BICC1: variants seen among roughly 807,000 people sequenced by gnomAD.
BICC1 encodes the protein protein bicaudal C homolog 1.
A neutral mutation model predicts 111.0 loss-of-function variants in BICC1; 43 were observed. The observed-to-expected ratio is 0.39, with a 90% CI of 0.30 to 0.50. The LOEUF (loss-of-function observed/expected upper bound fraction) is 0.50, where lower values mean the gene tolerates loss of function less well. Among genes scored for constraint, BICC1 ranks in the 20% least tolerant of loss-of-function variants. The pLI, the probability that BICC1 is intolerant of heterozygous loss-of-function variation, is 0.88. For missense variants in BICC1, 1,091 were observed against 1,203.2 expected (o/e 0.91, Z 1.38); for synonymous variants, 467 against 434.4 (o/e 1.07, Z -0.93).
chr10:58,566,289 C>CATAT (rs3075400), intron 1 of BICC1, among the ~76,000 whole-genome samples: 69,718 of 151,566 alleles, frequency 0.46, 17,104 homozygotes, highest in Admixed American at 0.62. Context: ...TAGATACAAA[C>CATAT]ATGTACACAC....
chr10:58,552,370 C>T (rs1843317738), intron 1 of BICC1, among the ~76,000 whole-genome samples: 1 of 151,964 alleles, frequency 6.6e-6, no homozygotes, highest in African/African-American at 2.4e-5. Context: ...GAGTCTTGCA[C>T]TGTCACGCAG....
chr10:58,637,346 C>G (rs1837981399), intron 2 of BICC1, among the ~76,000 whole-genome samples: 1 of 152,094 alleles, frequency 6.6e-6, no homozygotes, highest in Non-Finnish European at 1.5e-5. Context: ...ATGAGGTTTG[C>G]TACCAATAAA....
intron 1 of BICC1, among the ~76,000 whole-genome samples, chr10:58,538,776 GA>G (rs1401867243): frequency 6.6e-6 from 1 of 151,890 alleles, no homozygotes; most frequent in African/African-American, 2.4e-5. Flanking sequence ...CAAAGGACAT[GA>G]ATAGACAGTT....
intron 2 of BICC1, among the ~76,000 whole-genome samples, chr10:58,662,112 T>C (rs1181109140): frequency 6.6e-6 from 1 of 152,168 alleles, no homozygotes; most frequent in Admixed American, 6.5e-5. Context: ...TGTGCCTGTG[T>C]ATTGAGTAGC....
chr10:58,709,757 G>A (rs535582452), intron 3 of BICC1, among the ~76,000 whole-genome samples: 1 of 152,298 alleles, frequency 6.6e-6, no homozygotes, highest in South Asian at 2.1e-4. Context: ...AAAAAAATGT[G>A]GGACATGATT....
At chr10:58,670,858 T>G (rs1316360898) in intron 2 of BICC1, among the ~76,000 whole-genome samples, 1 of 152,092 alleles carries the variant, frequency 6.6e-6, no homozygotes, top group African/African-American at 2.4e-5. Context: ...TACTCATTAA[T>G]AAAAAGGAAG....
At chr10:58,767,293 C>G (rs1473532185) in intron 3 of BICC1, among the ~76,000 whole-genome samples, 1 of 152,272 alleles carries the variant, frequency 6.6e-6, no homozygotes, top group Non-Finnish European at 1.5e-5. Flanking sequence ...CAGCACAAAG[C>G]CTGGCTTTGT....
chr10:58,782,008 G>A (rs1252304749), intron 3 of BICC1, among the ~76,000 whole-genome samples: 1 of 152,112 alleles, frequency 6.6e-6, no homozygotes, highest in Non-Finnish European at 1.5e-5. Flanking sequence ...GTTACATGTT[G>A]GTGACTGTCT....
chr10:58,608,464 A>G (rs935511552), intron 1 of BICC1, among the ~76,000 whole-genome samples: 1 of 152,196 alleles, frequency 6.6e-6, no homozygotes, highest in Non-Finnish European at 1.5e-5. Context: ...TATTCACAGC[A>G]TTGTCTCTGC....
intron 1 of BICC1, among the ~76,000 whole-genome samples, chr10:58,572,374 C>G (rs1030685749): frequency 1.2e-4 from 18 of 151,880 alleles, no homozygotes; most frequent in African/African-American, 4.3e-4. Flanking sequence ...GACACGTCTT[C>G]ATCATTAAAT....
intron 2 of BICC1, chr10:58,648,459 T>TACTCTGGC (rs1838336848): frequency 1.1e-6 from 1 of 949,958 alleles, no homozygotes; most frequent in Admixed American, 6.2e-5. Context: ...TACACAGAGT[T>TACTCTGGC]ATGTTCTCTG....
intron 3 of BICC1, among the ~76,000 whole-genome samples, chr10:58,707,260 A>G (rs1212127278): frequency 6.6e-6 from 1 of 152,202 alleles, no homozygotes; most frequent in African/African-American, 2.4e-5. Context: ...TGTTTTTTCC[A>G]GAAGAAAATG....
intron 1 of BICC1, among the ~76,000 whole-genome samples, chr10:58,603,369 G>GA (rs1845105126): frequency 6.6e-6 from 1 of 152,140 alleles, no homozygotes; most frequent in Non-Finnish European, 1.5e-5. Flanking sequence ...CAATGCTTGA[G>GA]ACTTACCTGT....
intron 3 of BICC1, among the ~76,000 whole-genome samples, chr10:58,781,467 A>C (rs1394281681): frequency 6.6e-6 from 1 of 152,158 alleles, no homozygotes; most frequent in East Asian, 1.9e-4. Context: ...TAAAGTAGTA[A>C]ATTTTTTTTT....
rs185797326 is a variant in BICC1, at chr10:58,775,764, A to C, written c.308-9237A>C. 6.9e-4 allele frequency among the ~76,000 whole-genome samples: 105 copies of C among 152,328 alleles called. 1 individual carries two copies. The highest frequency in any genetic ancestry group is 2.5e-3 in the African/African-American group (102 of 41,580). On this transcript the variant is annotated intron_variant, in intron 3 of 20. Transcript: ENST00000373886. ...GCTGTTGTTAAGCTAGTCTGTAGAA[A>C]GTAGAGTGAGAAGAAGGCAGATAGG...
chr10:58,567,506 G>A (rs1405008505), intron 1 of BICC1, among the ~76,000 whole-genome samples: 1 of 151,410 alleles, frequency 6.6e-6, no homozygotes, highest in Non-Finnish European at 1.5e-5. Context: ...CTTTTGGGGT[G>A]TATGTATATG....
At chr10:58,528,420 C>T (rs549460238) in intron 1 of BICC1, among the ~76,000 whole-genome samples, 5 of 151,786 alleles carry the variant, frequency 3.3e-5, no homozygotes, top group Non-Finnish European at 7.4e-5. Flanking sequence ...TTTTATAAAT[C>T]GAAATTTGTC....
At chr10:58,544,788 C>T (rs1450858169) in intron 1 of BICC1, among the ~76,000 whole-genome samples, 1 of 152,082 alleles carries the variant, frequency 6.6e-6, no homozygotes, top group Non-Finnish European at 1.5e-5. Context: ...CCCCCAAAAT[C>T]AGATGTTGAC....
intron 2 of BICC1, among the ~76,000 whole-genome samples, chr10:58,625,367 T>C (rs573638195): frequency 5.3e-5 from 8 of 152,338 alleles, no homozygotes; most frequent in Admixed American, 2.0e-4. Context: ...GTATTACACA[T>C]GTGACTCATC....
Sources: allele counts gnomAD v4.1 joint callset (sites outside exome capture counted in the v4.1 genomes callset), GRCh38; gene constraint gnomAD v4.1.1; transcripts MANE v1.5; gene names NCBI Gene and HGNC (gene_info 2026-07-23, HGNC 2026-07-21).